CCDC180: variants seen among roughly 807,000 people sequenced by gnomAD.
The protein encoded by CCDC180 is coiled-coil domain-containing protein 180.
Under a neutral mutation model 209.2 loss-of-function variants are expected in CCDC180, and 154 were observed. That is an observed-to-expected ratio of 0.74 (90% CI 0.65 to 0.84). The LOEUF (loss-of-function observed/expected upper bound fraction) is 0.84. Among genes scored for constraint, CCDC180 ranks in the 40% least tolerant of loss-of-function variants. CCDC180 has a pLI of 0.00. For synonymous variants in CCDC180, 778 were observed against 749.1 expected (o/e 1.04, Z -0.63); for missense variants, 1,874 against 1,997.3 (o/e 0.94, Z 1.18).
At position 97,330,252 on chromosome 9, in the gene CCDC180, G is replaced by T; in HGVS notation, c.1828+59G>T. The T allele has an allele frequency of 1.9e-6, 3 of 1,606,890 alleles. No homozygotes were observed. The South Asian group carries it at 3.3e-5, about 18-fold the overall frequency. On this transcript the variant is annotated intron_variant, in intron 17 of 36. Transcript: ENST00000529487. ...AGACTTCACTCTTACGCGTTTGTGG[G>T]TTGGGAGGCCCAATCCAGGCAGCAT...
intron 28 of CCDC180, among the ~76,000 whole-genome samples, chr9:97,363,230 T>C (rs934233976): frequency 3.9e-5 from 6 of 152,220 alleles, no homozygotes; most frequent in Non-Finnish European, 7.3e-5. Flanking sequence ...AAGTTGGAAA[T>C]GAGGACAAAA....
rs565980418 is a variant in CCDC180, at chr9:97,312,830, C to G, written c.350-406C>G. 5.9e-5 allele frequency among the ~76,000 whole-genome samples: 9 copies of G among 152,224 alleles called. No individual in the cohort carries two copies. The South Asian group carries it at 1.9e-3, about 32-fold the overall frequency. On this transcript the variant is annotated intron_variant, in intron 4 of 36. Coordinates refer to ENST00000529487, the MANE Select transcript of CCDC180 (RefSeq NM_020893.6). ...GCTGGCCAACTTGGTTCTACAACCC[C>G]CCATGACTGAGTTTCCTCACATGTG... is the stretch of plus-strand genomic sequence containing the variant.
intron 18 of CCDC180, among the ~76,000 whole-genome samples, chr9:97,334,808 T>G (rs746691579): frequency 2.6e-5 from 4 of 152,174 alleles, no homozygotes; most frequent in Non-Finnish European, 4.4e-5. Flanking sequence ...CTTTCATCTT[T>G]AACAGTGCCA....
intron 18 of CCDC180, among the ~76,000 whole-genome samples, chr9:97,336,696 G>A (rs1324023391): frequency 6.6e-6 from 1 of 152,144 alleles, no homozygotes; most frequent in Non-Finnish European, 1.5e-5. Context: ...CCAATTCTGT[G>A]AAGAAAGTCA....
At chr9:97,313,481 C>T (rs1272717946) in intron 5 of CCDC180, 136 bp downstream of exon 5, 1 of 579,870 alleles carries the variant, frequency 1.7e-6, no homozygotes. Flanking sequence ...GACATGGAAC[C>T]CTCTCTGAGT....
intron 15 of CCDC180, among the ~76,000 whole-genome samples, chr9:97,327,190 CAT>C (rs1248431595): frequency 6.6e-6 from 1 of 152,030 alleles, no homozygotes; most frequent in Non-Finnish European, 1.5e-5. Flanking sequence ...AAAATTTAAA[CAT>C]GTACATTCTT....
At position 97,354,578 on chromosome 9, in the gene CCDC180, AG is replaced by A. The variant is rs1309647104; in HGVS notation, c.3013del (p.Glu1005ArgfsTer24). ...CTTTGATTATTTTCAGATTGTTTTCAGAGGGAGGCAACTTTTCTCCTAAAGA... is the reference window on the plus strand; with the variant it reads ...CTTTGATTATTTTCAGATTGTTTTCAAGGGAGGCAACTTTTCTCCTAAAGA... ...EFIKHCRLFS[E>X]GGNFSPKEIN... is the part of the protein sequence containing the mutation. On this transcript the variant is annotated frameshift_variant, in exon 23 of 37. Coordinates refer to ENST00000529487, the MANE Select transcript of CCDC180 (RefSeq NM_020893.6). LOFTEE classifies it high-confidence loss of function. 3.7e-6 allele frequency: 6 copies of A among 1,614,152 alleles called. No homozygotes were observed. The highest frequency in any genetic ancestry group is 1.6e-4 in the Middle Eastern group (1 of 6,062).
intron 19 of CCDC180, chr9:97,345,741 A>C: frequency 8.7e-6 from 2 of 230,310 alleles, no homozygotes; most frequent in South Asian, 5.1e-5. Flanking sequence ...ACAGAGTGAA[A>C]CTCCGTCTCA....
chr9:97,307,614 G>A, upstream of CCDC180: 1 of 878,148 alleles, frequency 1.1e-6, no homozygotes, highest in Non-Finnish European at 1.9e-6. Flanking sequence ...GGTCCCGGAT[G>A]CGAATTCTGC....
In CCDC180 at chr9:97,376,926, T is replaced by G. The variant is rs763483734; in HGVS notation, c.*32T>G. The stretch of plus-strand genomic sequence containing the variant: ...GCCCCACCATGAATAAACACTTTCT[T>G]ATACAGACTCCTTCCCTGTCCATCT... On this transcript the variant is annotated 3_prime_UTR_variant, in exon 37 of 37. Coordinates refer to ENST00000529487, the MANE Select transcript of CCDC180 (RefSeq NM_020893.6). 1.3e-6 allele frequency: 2 copies of G among 1,596,066 alleles called. No homozygotes were observed. Among genetic ancestry groups the G allele is most frequent in the Non-Finnish European group, 1.7e-6 (2 of 1,173,138 alleles).
intron 25 of CCDC180, among the ~76,000 whole-genome samples, chr9:97,358,190 C>T (rs1826643322): frequency 6.9e-6 from 1 of 145,250 alleles, no homozygotes; most frequent in Admixed American, 7.2e-5. Context: ...GGCACAATCT[C>T]AGCTCACTGC....
chr9:97,308,348 T>G (rs1832865577), intron 2 of CCDC180, among the ~76,000 whole-genome samples: 1 of 152,248 alleles, frequency 6.6e-6, no homozygotes, highest in African/African-American at 2.4e-5. Context: ...ATTAAAATTT[T>G]AAATGTAAAT....
At chr9:97,341,035 AAAT>A (rs1285397944) in intron 18 of CCDC180, among the ~76,000 whole-genome samples, 2 of 152,216 alleles carry the variant, frequency 1.3e-5, no homozygotes, top group East Asian at 3.9e-4. Flanking sequence ...TGATATGCAG[AAAT>A]AATGGTGTAA....
rs768767645 is a variant in CCDC180 at position 97,376,847 on chromosome 9, G to T, written c.4927G>T (p.Asp1643Tyr). ...GATAAAGGAGGCTCAGCGCTGGAAG[G>T]ACAGCTGGAAGCAGTCCCTGCACAC... is the stretch of plus-strand genomic sequence containing the variant. ...SQIKEAQRWK[D>Y]SWKQSLHTIQ... Residue 1643 changes from aspartate (D) to tyrosine (Y), a missense_variant, in exon 37 of 37, where the codon GAC becomes TAC. Coordinates refer to ENST00000529487, the MANE Select transcript of CCDC180 (RefSeq NM_020893.6). The T allele has an allele frequency of 1.2e-6, 2 of 1,613,198 alleles. No individual in the cohort carries two copies. The highest frequency in any genetic ancestry group is 1.7e-6 in the Non-Finnish European group (2 of 1,179,948).
intron 31 of CCDC180, among the ~76,000 whole-genome samples, chr9:97,368,545 GA>G (rs1234720331): frequency 1.3e-5 from 2 of 151,918 alleles, no homozygotes; most frequent in Non-Finnish European, 2.9e-5. Flanking sequence ...ACTGGGTGAA[GA>G]AAAAAAACTC....
chr9:97,332,620 A>G lies in CCDC180; in HGVS notation c.2274+1853A>G, dbSNP rs141600054. On this transcript the variant is annotated intron_variant, in intron 18 of 36. Transcript: ENST00000529487. The stretch of plus-strand genomic sequence containing the variant: ...GGTTAGCTGTATTCCTAGGTATTTT[A>G]TTCTTTTTGTGGTGATTGTGAATGG... Among the ~76,000 whole-genome samples, 326 of 151,950 alleles carry G rather than the reference A, an allele frequency of 2.1e-3. 1 individual carries two copies. The highest frequency in any genetic ancestry group is 7.3e-3 in the African/African-American group (301 of 41,436).
In CCDC180 at chr9:97,362,329, C is replaced by T. The variant is rs1554733360; in HGVS notation, c.3790C>T (p.Leu1264Phe). Residue 1264 changes from leucine to phenylalanine, a missense_variant, in exon 28 of 37, where the codon CTC becomes TTC. Leu to Phe is a conservative substitution (Grantham distance 22). Transcript: ENST00000529487. Reference sequence around the variant, plus strand: ...TGGTGCTGTGTGCTCACCTCCTGTCCTCTGCTCCTGTCCTGGGCCCTCGTC... The same window carrying T: ...TGGTGCTGTGTGCTCACCTCCTGTCTTCTGCTCCTGTCCTGGGCCCTCGTC... ...AGGAVCSPPV[L>F]CSCPGPSSPK... 6.2e-7 allele frequency: 1 copy of T among 1,614,114 alleles called. No individual in the cohort carries two copies. Among genetic ancestry groups the T allele is most frequent in the Non-Finnish European group, 8.5e-7 (1 of 1,180,022 alleles).
Position 97,362,448 on chromosome 9 carries a change from C to T in CCDC180, c.3902+7C>T, listed in dbSNP as rs183160671. On this transcript the variant is annotated splice_region_variant and intron_variant, in intron 28 of 36. Transcript: ENST00000529487. ...GTGCTACCTCTGCAGGCAGGTAGGA[C>T]ACAAAGCAGCCAGAATCGCCCCTTC... 3.8e-4 allele frequency: 618 copies of T among 1,611,428 alleles called. 1 individual carries two copies. The African/African-American group carries it at 7.4e-3, about 19-fold the overall frequency.
intron 3 of CCDC180, among the ~76,000 whole-genome samples, chr9:97,309,866 G>A (rs894302270): frequency 5.3e-5 from 8 of 152,166 alleles, no homozygotes; most frequent in African/African-American, 1.2e-4. Flanking sequence ...TTGAGACCTC[G>A]AAAGTAAATA....
Sources: gnomAD v4.1 joint callset for allele counts (sites outside exome capture counted in the v4.1 genomes callset) on GRCh38, gnomAD v4.1.1 for gene constraint, MANE v1.5 for transcripts, NCBI Gene and HGNC (gene_info 2026-07-23, HGNC 2026-07-21) for gene names.